The following ITPK1 variants were observed in gnomAD, a reference collection of about 807,000 sequenced individuals.
ITPK1 encodes inositol 1,3,4-trisphosphate 5/6-kinase.
In ITPK1, 21 loss-of-function variants were observed where a neutral mutation model predicts 45.3. That is an observed-to-expected ratio of 0.46 (90% CI 0.33 to 0.67). ITPK1 has a LOEUF of 0.67. Ranked by LOEUF, ITPK1 falls within the 30% of genes least tolerant of loss-of-function variation. The pLI is 0.02. For synonymous variants in ITPK1, 258 were observed against 253.6 expected (o/e 1.02, Z -0.16); for missense variants, 474 against 573.5 (o/e 0.83, Z 1.77).
chr14:92,991,372 C>G lies in ITPK1; in HGVS notation c.364+2508G>C, dbSNP rs141746853. ...TGGAAGAATACAAGCCCAGGCTCGGCGTGCACGATAAGGAAAACCCAGCGT... is the reference window on the plus strand; with the variant it reads ...TGGAAGAATACAAGCCCAGGCTCGGGGTGCACGATAAGGAAAACCCAGCGT... On this transcript the variant is annotated intron_variant, in intron 5 of 10. Transcript: ENST00000267615. Among the ~76,000 whole-genome samples, 381 of 152,158 alleles carry G rather than the reference C, an allele frequency of 2.5e-3. 2 individuals are homozygous for G. Among genetic ancestry groups the G allele is most frequent in the African/African-American group, 8.5e-3 (354 of 41,502 alleles).
intron 4 of ITPK1, among the ~76,000 whole-genome samples, chr14:93,004,891 G>A (rs965211980): frequency 6.6e-6 from 1 of 151,866 alleles, no homozygotes; most frequent in African/African-American, 2.4e-5. Context: ...AAGCAGAGGG[G>A]ACAGCAAAAG....
chr14:93,082,380 C>T (rs1430686912), intron 2 of ITPK1, among the ~76,000 whole-genome samples: 3 of 152,278 alleles, frequency 2.0e-5, no homozygotes, highest in Non-Finnish European at 1.5e-5. Context: ...GAACACAATT[C>T]GGGGGCGTAG....
At chr14:93,022,515 CTTTTT>C (rs750617400) in intron 3 of ITPK1, among the ~76,000 whole-genome samples, 1 of 137,956 alleles carries the variant, frequency 7.2e-6, no homozygotes. Flanking sequence ...AAGACCACAT[CTTTTT>C]TTTTTTTTTT....
chr14:93,016,657 C>T lies in ITPK1; in HGVS notation c.246+19G>A, dbSNP rs1181274320. On this transcript the variant is annotated intron_variant, in intron 4 of 10. Coordinates refer to ENST00000267615, the MANE Select transcript of ITPK1 (RefSeq NM_014216.6). This position sits in a 1 kb window ranked among gnomAD's most constrained non-coding sequence, Gnocchi z 5.0. ...CTCCTGAAAATGCCACAGCCAAGGG[C>T]TGCATGGTCCTCACTCACCTGGAAC... The T allele has an allele frequency of 6.2e-7, 1 of 1,613,274 alleles. No homozygotes were observed. The highest frequency in any genetic ancestry group is 8.5e-7 in the Non-Finnish European group (1 of 1,179,504).
chr14:93,050,673 AG>A (rs1409255282), intron 3 of ITPK1, among the ~76,000 whole-genome samples: 3 of 151,890 alleles, frequency 2.0e-5, no homozygotes, highest in South Asian at 4.2e-4. Flanking sequence ...CCTGGATGTG[AG>A]GGGGGTCCAC....
chr14:92,960,574 G>A (rs371685573), intron 7 of ITPK1, among the ~76,000 whole-genome samples: 1 of 152,204 alleles, frequency 6.6e-6, no homozygotes, highest in Admixed American at 6.5e-5. Context: ...CCACAGCCCC[G>A]GCCCTCAGGC....
chr14:92,993,854 G>T lies in ITPK1; in HGVS notation c.364+26C>A, dbSNP rs202116339. On this transcript the variant is annotated intron_variant, in intron 5 of 10. Transcript: ENST00000267615. ...GACCACAAAGGTGGCTGCCTGCCAC[G>T]GATGTGGTGCCACACGTGTCCCTAC... 2.7e-6 allele frequency: 4 copies of T among 1,455,566 alleles called. No homozygotes were observed. The African/African-American group carries it at 4.2e-5, about 15-fold the overall frequency. The allele number at this position is 1,455,566 out of a possible 1,614,324, so 90.2% of individuals were successfully genotyped here.
chr14:92,995,403 G>C (rs1379023475), intron 4 of ITPK1, among the ~76,000 whole-genome samples: 1 of 152,194 alleles, frequency 6.6e-6, no homozygotes, highest in Non-Finnish European at 1.5e-5. Flanking sequence ...TTTCTTAAGT[G>C]AACTTATTTT....
At chr14:93,030,632 G>C (rs572310562) in intron 3 of ITPK1, among the ~76,000 whole-genome samples, 2 of 152,182 alleles carry the variant, frequency 1.3e-5, no homozygotes, top group Non-Finnish European at 2.9e-5. Flanking sequence ...AGGCACCACC[G>C]AGGGCTGCAA....
chr14:92,938,689 C>T lies in ITPK1; in HGVS notation c.*2872G>A. 2 of 645,444 alleles carry T rather than the reference C, an allele frequency of 3.1e-6. No individual in the cohort carries two copies. The highest frequency in any genetic ancestry group is 5.6e-6 in the Non-Finnish European group (2 of 356,866). 40.0% of individuals were successfully genotyped at this position (645,444 alleles called of 1,614,324 possible). A position where few individuals can be genotyped will look rare whatever the true frequency, so the allele number is the denominator to read the frequency against. On this transcript the variant is annotated 3_prime_UTR_variant, in exon 11 of 11. Coordinates refer to ENST00000267615, the MANE Select transcript of ITPK1 (RefSeq NM_014216.6). Reference sequence around the variant, plus strand: ...GGTGACTGCAGGCCCAGCCCACCCACCACGTGTGGACCCAGACACCTCCAT... The same window carrying T: ...GGTGACTGCAGGCCCAGCCCACCCATCACGTGTGGACCCAGACACCTCCAT...
At position 93,080,385 on chromosome 14, in the gene ITPK1, TA is replaced by T. The variant is rs1407245721; in HGVS notation, c.96-3767del. ...ACATGTTATCAAAAACTGGAAAATA[TA>T]TTTTTTAATTGTTTCTTAAATAGAT... On this transcript the variant is annotated intron_variant, in intron 2 of 10. Transcript: ENST00000267615. Among the ~76,000 whole-genome samples the T allele has an allele frequency of 2.6e-5, 4 of 152,236 alleles. No homozygotes were observed. The East Asian group carries it at 7.7e-4, about 29-fold the overall frequency.
At chr14:93,072,674 G>A (rs1891068284) in intron 3 of ITPK1, among the ~76,000 whole-genome samples, 1 of 150,900 alleles carries the variant, frequency 6.6e-6, no homozygotes, top group African/African-American at 2.4e-5. Flanking sequence ...AAGTGCAGTG[G>A]CACGATCTCA....
At chr14:93,064,948 C>T (rs182198642) in intron 3 of ITPK1, among the ~76,000 whole-genome samples, 4 of 152,272 alleles carry the variant, frequency 2.6e-5, no homozygotes, top group Admixed American at 6.5e-5. Context: ...GCGGGGAATC[C>T]CTGGGACCTC....
rs943224625 is a variant in ITPK1 at position 92,951,855 on chromosome 14, G to T, written c.738+91C>A. ...CCTTCCCACCCTACCCTGCTGGAGA[G>T]CTTGGCCAAGGACCCCATGGCCACA... is the stretch of plus-strand genomic sequence containing the variant. On this transcript the variant is annotated intron_variant, in intron 9 of 10. Transcript: ENST00000267615. 13 of 1,004,734 alleles carry T rather than the reference G, an allele frequency of 1.3e-5. No homozygotes were observed. The Admixed American group carries it at 2.6e-4, about 20-fold the overall frequency. 62.2% of individuals were successfully genotyped at this position (1,004,734 alleles called of 1,614,324 possible). A position where few individuals can be genotyped will look rare whatever the true frequency, so the allele number is the denominator to read the frequency against.
chr14:93,072,615 C>CTTT (rs111822420), intron 3 of ITPK1, among the ~76,000 whole-genome samples: 1 of 139,254 alleles, frequency 7.2e-6, no homozygotes, highest in Admixed American at 7.2e-5. Context: ...AAATATTATT[C>CTTT]TTTTTTTTTT....
At chr14:93,094,485 A>T (rs1322013425) in intron 2 of ITPK1, among the ~76,000 whole-genome samples, 2 of 152,124 alleles carry the variant, frequency 1.3e-5, no homozygotes, top group African/African-American at 4.8e-5. Context: ...GGCCCCTGGG[A>T]GCCGGGTGAA....
chr14:92,940,435 T>C lies in ITPK1; in HGVS notation c.*1126A>G. On this transcript the variant is annotated 3_prime_UTR_variant, in exon 11 of 11. Coordinates refer to ENST00000267615, the MANE Select transcript of ITPK1 (RefSeq NM_014216.6). ...AAGGTGATGGGGTGAGTCTGAGGTG[T>C]GCAGAAGCGATGGGGGGCGGGTGGC... 1.8e-6 allele frequency: 2 copies of C among 1,119,748 alleles called. No individual in the cohort carries two copies. 69.4% of individuals were successfully genotyped at this position (1,119,748 alleles called of 1,614,324 possible).
intron 5 of ITPK1, among the ~76,000 whole-genome samples, chr14:92,988,483 CA>C (rs1026454821): frequency 8.5e-5 from 13 of 152,194 alleles, no homozygotes; most frequent in African/African-American, 3.1e-4. Context: ...TGGCTGCCCT[CA>C]AGTATCATTT....
At chr14:93,103,877 CT>C (rs1284821815) in intron 2 of ITPK1, among the ~76,000 whole-genome samples, 1 of 152,202 alleles carries the variant, frequency 6.6e-6, no homozygotes, top group Non-Finnish European at 1.5e-5. Flanking sequence ...CTGCACCCAT[CT>C]ACCATGCCCC....
Sources: allele counts gnomAD v4.1 joint callset (sites outside exome capture counted in the v4.1 genomes callset), GRCh38; gene constraint gnomAD v4.1.1; non-coding constraint Gnocchi (gnomAD v3.1); transcripts MANE v1.5; gene names NCBI Gene and HGNC (gene_info 2026-07-23, HGNC 2026-07-21).